The following PVT1 variants were observed in gnomAD, a reference collection of about 807,000 sequenced individuals.
PVT1 encodes the protein Pvt1 oncogene.
chr8:127,924,836 T>C (rs978610252), intron 3 of PVT1, among the ~76,000 whole-genome samples: 1 of 151,910 alleles, frequency 6.6e-6, no homozygotes, highest in Admixed American at 6.6e-5. Context: ...TTAGTAGAGA[T>C]GGGGTTTTGC....
At chr8:127,829,897 T>C (rs973350481) in intron 2 of PVT1, among the ~76,000 whole-genome samples, 1 of 152,136 alleles carries the variant, frequency 6.6e-6, no homozygotes, top group Non-Finnish European at 1.5e-5. Flanking sequence ...CTCCGAAAAA[T>C]AATCTCTTCT....
At chr8:128,071,841 C>T (rs953111238) in intron 5 of PVT1, among the ~76,000 whole-genome samples, 1 of 152,126 alleles carries the variant, frequency 6.6e-6, no homozygotes, top group Non-Finnish European at 1.5e-5. Context: ...CCTCTGAGAG[C>T]ATTGATATAT....
chr8:128,022,712 A>G (rs986484650), intron 4 of PVT1, among the ~76,000 whole-genome samples: 7 of 152,222 alleles, frequency 4.6e-5, no homozygotes, highest in Non-Finnish European at 1.0e-4. Flanking sequence ...TTACGTAAGT[A>G]GCATAATTAT....
intron 2 of PVT1, among the ~76,000 whole-genome samples, chr8:127,847,945 C>G (rs1815054504): frequency 6.6e-6 from 1 of 151,846 alleles, no homozygotes. Flanking sequence ...ACTCTGTGGC[C>G]CAGGCTGGAG....
chr8:127,858,755 A>G (rs924475979), intron 2 of PVT1, among the ~76,000 whole-genome samples: 18 of 138,242 alleles, frequency 1.3e-4, no homozygotes, highest in African/African-American at 3.8e-4. Flanking sequence ...TTCAGTCACC[A>G]CTTGGTTTCT....
At chr8:128,004,249 G>C (rs1817220349) in intron 4 of PVT1, among the ~76,000 whole-genome samples, 1 of 152,196 alleles carries the variant, frequency 6.6e-6, no homozygotes, top group South Asian at 2.1e-4. Flanking sequence ...CTTGACTCTT[G>C]TGAATTATAA....
At chr8:127,879,410 T>C (rs1280137725) in intron 2 of PVT1, among the ~76,000 whole-genome samples, 2 of 152,180 alleles carry the variant, frequency 1.3e-5, no homozygotes, top group Non-Finnish European at 2.9e-5. Flanking sequence ...GTGCCTGTAA[T>C]CCTAGCTACT....
chr8:127,960,561 G>C, intron 3 of PVT1: 1 of 385,760 alleles, frequency 2.6e-6, no homozygotes, highest in South Asian at 2.1e-5. Context: ...GGATCTTTGT[G>C]GCCTTCTGGA....
intron 4 of PVT1, among the ~76,000 whole-genome samples, chr8:127,990,727 G>A (rs980087515): frequency 3.9e-5 from 6 of 152,190 alleles, no homozygotes; most frequent in African/African-American, 7.2e-5. Flanking sequence ...GCGCATTTGC[G>A]TTTCAAATCT....
At chr8:127,873,526 T>C (rs1460477083) in intron 2 of PVT1, among the ~76,000 whole-genome samples, 1 of 152,156 alleles carries the variant, frequency 6.6e-6, no homozygotes, top group African/African-American at 2.4e-5. Flanking sequence ...CATGTTTTTT[T>C]GTGTAGGAGG....
chr8:127,836,845 G>A (rs1309724296), intron 2 of PVT1, among the ~76,000 whole-genome samples: 2 of 152,082 alleles, frequency 1.3e-5, no homozygotes, highest in South Asian at 2.1e-4. Flanking sequence ...CACGCTTGGC[G>A]CCTGCACTGC....
intron 5 of PVT1, among the ~76,000 whole-genome samples, chr8:128,093,536 G>A (rs1040461848): frequency 2.0e-5 from 3 of 152,060 alleles, no homozygotes; most frequent in African/African-American, 7.2e-5. Context: ...CAGCCTGGGG[G>A]ACAAGAGCAA....
intron 4 of PVT1, among the ~76,000 whole-genome samples, chr8:128,006,694 C>T (rs1383376090): frequency 2.6e-5 from 4 of 152,118 alleles, no homozygotes; most frequent in Non-Finnish European, 4.4e-5. Context: ...TAAAATGTTA[C>T]TATAAGGAAG....
At chr8:127,836,246 T>C (rs2129707012) in intron 2 of PVT1, among the ~76,000 whole-genome samples, 1 of 152,352 alleles carries the variant, frequency 6.6e-6, no homozygotes, top group Middle Eastern at 3.4e-3. Flanking sequence ...CCTTGAACTC[T>C]GTGTTGTCTG....
chr8:127,961,458 T>A (rs1447694676), intron 3 of PVT1, among the ~76,000 whole-genome samples: 1 of 152,172 alleles, frequency 6.6e-6, no homozygotes, highest in Non-Finnish European at 1.5e-5. Flanking sequence ...CGGTGCTGTG[T>A]GTTGTACTAG....
chr8:127,939,510 G>A (rs1273048055), intron 3 of PVT1: 2 of 152,328 alleles, frequency 1.3e-5, no homozygotes, highest in Non-Finnish European at 1.5e-5. Context: ...TTCTGCAGCT[G>A]ACCATACTCC....
chr8:127,827,073 G>A (rs974011841), intron 2 of PVT1, among the ~76,000 whole-genome samples: 4 of 136,718 alleles, frequency 2.9e-5, no homozygotes, highest in African/African-American at 2.8e-5. Context: ...TTGGCTCACC[G>A]TAATCTCCGC....
intron 4 of PVT1, among the ~76,000 whole-genome samples, chr8:128,045,022 C>T (rs1813594556): frequency 6.6e-6 from 1 of 152,190 alleles, no homozygotes; most frequent in Non-Finnish European, 1.5e-5. Context: ...CCACTCTGGC[C>T]AGTGGTTTGG....
chr8:127,967,242 C>G (rs1816712895), intron 3 of PVT1, among the ~76,000 whole-genome samples: 1 of 151,946 alleles, frequency 6.6e-6, no homozygotes, highest in Non-Finnish European at 1.5e-5. Context: ...GAAAACCTGA[C>G]CCGGGATCTC....
Sources: allele counts gnomAD v4.1 joint callset (sites outside exome capture counted in the v4.1 genomes callset), GRCh38; gene constraint gnomAD v4.1.1; transcripts MANE v1.5; gene names NCBI Gene and HGNC (gene_info 2026-07-23, HGNC 2026-07-21).